SUGCT: variants seen among roughly 807,000 people sequenced by gnomAD.
SUGCT encodes the protein succinyl-CoA:glutarate-CoA transferase.
SUGCT carries 41 observed loss-of-function variants against 55.0 expected under a neutral mutation model. That is an observed-to-expected ratio of 0.74 (90% CI 0.58 to 0.97). The LOEUF is 0.97. Ranked by LOEUF, SUGCT falls within the 50% of genes least tolerant of loss-of-function variation. The probability of loss-of-function intolerance (pLI) is 0.00; values close to 1 mark genes in which losing one functional copy is unlikely to be tolerated. For missense variants in SUGCT, 568 were observed against 547.8 expected, an observed-to-expected ratio of 1.04 and a Z score of -0.37; for synonymous variants, 187 against 200.4, an observed-to-expected ratio of 0.93 and a Z score of 0.56.
the SUGCT span, among the ~76,000 whole-genome samples, chr7:40,876,481 C>A: frequency 1.3e-5 from 2 of 152,074 alleles, no homozygotes; most frequent in African/African-American, 4.8e-5. Flanking sequence ...ACAGGCTGGG[C>A]ATATTGAAGT....
chr7:40,605,570 T>C (rs183223497), intron 12 of SUGCT, among the ~76,000 whole-genome samples: 1 of 152,290 alleles, frequency 6.6e-6, no homozygotes, highest in East Asian at 1.9e-4. Flanking sequence ...TACCTGCCAT[T>C]GTGTAGGGCT....
Position 40,167,730 on chromosome 7 carries a change from G to A in SUGCT, c.101-13217G>A, listed in dbSNP as rs114717569. 2.3e-3 allele frequency among the ~76,000 whole-genome samples: 353 copies of A among 152,304 alleles called. 4 individuals carry two copies. The highest frequency in any genetic ancestry group is 7.8e-3 in the African/African-American group (323 of 41,566). On this transcript the variant is annotated intron_variant, in intron 1 of 13. Coordinates refer to ENST00000335693, the MANE Select transcript of SUGCT (RefSeq NM_001193313.2). ...ACAATGGTGAGCCTTTAGCCCAGTC[G>A]AGAGCGGCAATGGGTGCCTCACTGG...
At chr7:40,408,421 G>C (rs1023747644) in intron 9 of SUGCT, among the ~76,000 whole-genome samples, 6 of 151,930 alleles carry the variant, frequency 3.9e-5, no homozygotes, top group Middle Eastern at 6.8e-3. Context: ...CCCGCTTTCT[G>C]CTTACTTAGA....
intron 7 of SUGCT, among the ~76,000 whole-genome samples, chr7:40,253,326 A>G (rs1053852368): frequency 6.6e-6 from 1 of 152,204 alleles, no homozygotes; most frequent in African/African-American, 2.4e-5. Context: ...AGGTTGTCCA[A>G]CCACCCTCAC....
At chr7:40,146,404 C>T (rs957379276) in intron 1 of SUGCT, among the ~76,000 whole-genome samples, 5 of 152,192 alleles carry the variant, frequency 3.3e-5, no homozygotes, top group African/African-American at 1.2e-4. Flanking sequence ...AAGACACACA[C>T]GCAGAAATAT....
intron 6 of SUGCT, among the ~76,000 whole-genome samples, chr7:40,227,154 C>T (rs960457183): frequency 1.4e-5 from 2 of 142,562 alleles, no homozygotes; most frequent in African/African-American, 5.1e-5. Context: ...TCAAGTGATT[C>T]TCCTGCCTCA....
intron 1 of SUGCT, among the ~76,000 whole-genome samples, chr7:40,147,769 A>G (rs1788338566): frequency 6.6e-6 from 1 of 152,172 alleles, no homozygotes; most frequent in South Asian, 2.1e-4. Context: ...TCCTCATGAG[A>G]GAGAACCAGA....
chr7:40,897,479 G>C, the SUGCT span, among the ~76,000 whole-genome samples: 1 of 149,184 alleles, frequency 6.7e-6, no homozygotes, highest in Non-Finnish European at 1.5e-5. Flanking sequence ...TATATTTGGG[G>C]TTTACCTTCC....
chr7:41,034,501 G>A, the SUGCT span, among the ~76,000 whole-genome samples: 1 of 152,142 alleles, frequency 6.6e-6, no homozygotes, highest in African/African-American at 2.4e-5. Flanking sequence ...GGCTGGAGGG[G>A]TCAGAGCTGC....
intron 9 of SUGCT, among the ~76,000 whole-genome samples, chr7:40,362,571 A>G (rs559668381): frequency 2.0e-5 from 3 of 152,326 alleles, no homozygotes; most frequent in African/African-American, 7.2e-5. Flanking sequence ...ATATAGGTAT[A>G]CATAGTTATT....
intron 5 of SUGCT, among the ~76,000 whole-genome samples, chr7:40,190,915 G>A (rs1254165036): frequency 1.3e-5 from 2 of 152,090 alleles, no homozygotes; most frequent in East Asian, 1.9e-4. Flanking sequence ...TTCCATCCAC[G>A]TTTGGTTGAA....
At chr7:40,971,770 A>G in the SUGCT span, among the ~76,000 whole-genome samples, 1 of 152,200 alleles carries the variant, frequency 6.6e-6, no homozygotes, top group Non-Finnish European at 1.5e-5. Context: ...CGTCAGTACC[A>G]CAGGCAGAGC....
intron 12 of SUGCT, among the ~76,000 whole-genome samples, chr7:40,638,744 C>CTG (rs1338916866): frequency 1.3e-5 from 2 of 152,058 alleles, no homozygotes; most frequent in East Asian, 3.9e-4. Context: ...GATGCAATGC[C>CTG]TGTGATGTCA....
chr7:40,281,386 A>G (rs1333908318), intron 8 of SUGCT, among the ~76,000 whole-genome samples: 2 of 152,222 alleles, frequency 1.3e-5, no homozygotes, highest in Non-Finnish European at 2.9e-5. Context: ...AGAACTCCTC[A>G]AAGGGAGTTT....
chr7:40,387,380 G>A (rs569884148), intron 9 of SUGCT, among the ~76,000 whole-genome samples: 1 of 152,236 alleles, frequency 6.6e-6, no homozygotes, highest in South Asian at 2.1e-4. Flanking sequence ...CTGACACAAA[G>A]GCAGGAAATC....
At chr7:40,810,909 CT>C (rs2128757448) in intron 13 of SUGCT, among the ~76,000 whole-genome samples, 1 of 152,232 alleles carries the variant, frequency 6.6e-6, no homozygotes, top group Non-Finnish European at 1.5e-5. Flanking sequence ...ACATTTAAAT[CT>C]TTAATCCATC....
In SUGCT at chr7:40,207,221, C is replaced by T. The variant is rs141012612; in HGVS notation, c.484+12161C>T. On this transcript the variant is annotated intron_variant, in intron 6 of 13. Coordinates refer to ENST00000335693, the MANE Select transcript of SUGCT (RefSeq NM_001193313.2). ...CAAAAAAGAAAAAAGAAAGACTAGT[C>T]TAGCAAGCCACCAATTAGGAAATGG... 3.0e-4 allele frequency among the ~76,000 whole-genome samples: 45 copies of T among 152,046 alleles called. 1 individual carries two copies. In the East Asian group the frequency reaches 7.8e-3, roughly 26 times the overall value.
intron 7 of SUGCT, among the ~76,000 whole-genome samples, chr7:40,255,284 A>G (rs1445915954): frequency 1.3e-5 from 2 of 151,634 alleles, no homozygotes; most frequent in Non-Finnish European, 2.9e-5. Flanking sequence ...GAACTTGTCC[A>G]TAAATTGCAA....
rs112568736 is a variant in SUGCT, at chr7:40,167,049, A to G, written c.101-13898A>G. ...CTCAGCCATTCCGCTAAGTATTTAC[A>G]CAAGAGAAATGAAGACATGTTCTCA... On this transcript the variant is annotated intron_variant, in intron 1 of 13. Transcript: ENST00000335693. Among the ~76,000 whole-genome samples, 527 of 152,352 alleles carry G rather than the reference A, an allele frequency of 3.5e-3. 6 individuals carry two copies. The highest frequency in any genetic ancestry group is 0.011 in the African/African-American group (477 of 41,578).
Sources: gnomAD v4.1 joint callset for allele counts (sites outside exome capture counted in the v4.1 genomes callset) on GRCh38, gnomAD v4.1.1 for gene constraint, MANE v1.5 for transcripts, NCBI Gene and HGNC (gene_info 2026-07-23, HGNC 2026-07-21) for gene names.